The following NUMBL variants were observed in gnomAD, a reference collection of about 807,000 sequenced individuals.
NUMBL encodes numb-like protein.
NUMBL carries 20 observed loss-of-function variants against 48.9 expected under a neutral mutation model. The observed-to-expected ratio is 0.41, with a 90% CI of 0.29 to 0.59. The LOEUF is 0.59. Among genes scored for constraint, NUMBL ranks in the 20% least tolerant of loss-of-function variants. The probability of loss-of-function intolerance (pLI) is 0.31; values close to 1 mark genes in which losing one functional copy is unlikely to be tolerated. For synonymous variants in NUMBL, 340 were observed against 348.7 expected (o/e 0.98, Z 0.28); for missense variants, 660 against 846.2 (o/e 0.78, Z 2.73).
Position 40,684,391 on chromosome 19 carries a change from C to T in NUMBL, c.249+26G>A, listed in dbSNP as rs550564281. The T allele has an allele frequency of 4.0e-5, 62 of 1,541,108 alleles. No individual in the cohort carries two copies. The Admixed American group carries it at 6.4e-4, about 16-fold the overall frequency. ...ACAGCGGCCCCCGTCCCCCTCGCCC[C>T]GCCGCACCCTGCCGCGCCCACTCAC... On this transcript the variant is annotated intron_variant, in intron 3 of 9. Coordinates refer to ENST00000252891, the MANE Select transcript of NUMBL (RefSeq NM_004756.5).
intron 2 of NUMBL, chr19:40,686,014 G>A (rs187756680): frequency 6.5e-6 from 1 of 152,992 alleles, no homozygotes; most frequent in African/African-American, 2.4e-5. Context: ...GGTGTTCTTT[G>A]TGAGACTGTG....
rs757653315 is a variant in NUMBL, at chr19:40,677,310, T to C, written c.652A>G (p.Ser218Gly). Residue 218 changes from serine to glycine, a missense_variant, in exon 7 of 10, where the codon AGC (serine) becomes GGC (glycine). Coordinates refer to ENST00000252891, the MANE Select transcript of NUMBL (RefSeq NM_004756.5). The part of the protein sequence containing the change: ...VTAAFDASRT[S>G]FAREGSFRLS... The stretch of plus-strand genomic sequence containing the variant: ...CGGAAGGAGCCCTCGCGGGCGAAGC[T>C]GGTGCGGCTGGCATCGAAGGCGGCC... 1.9e-6 allele frequency: 3 copies of C among 1,611,590 alleles called. No individual in the cohort carries two copies. The highest frequency in any genetic ancestry group is 1.1e-5 in the South Asian group (1 of 90,936).
At chr19:40,681,567 T>C (rs1410045580) in intron 5 of NUMBL, among the ~76,000 whole-genome samples, 1 of 152,212 alleles carries the variant, frequency 6.6e-6, no homozygotes, top group African/African-American at 2.4e-5. Flanking sequence ...ACCTAGATTG[T>C]GGCCTCATAG....
In NUMBL at chr19:40,667,993, TTGCTGTTGCTGCTGC is replaced by T; in HGVS notation, c.1290_1304del (p.Gln442_Gln446del). On this transcript the variant is annotated inframe_deletion, in exon 10 of 10. Transcript: ENST00000252891. The surrounding 1 kb of genome is among the most constrained non-coding windows in gnomAD (Gnocchi z 6.1). ...GTTGCTGCTGCTGCTGCTGCTGCTG[TTGCTGTTGCTGCTGC>T]TGCTGCTGCTGGGCCTTGGCCACCT... The T allele has an allele frequency of 7.4e-6, 4 of 541,344 alleles. No homozygotes were observed. Among genetic ancestry groups the T allele is most frequent in the Middle Eastern group, 7.2e-4 (1 of 1,388 alleles). 33.5% of individuals were successfully genotyped at this position (541,344 alleles called of 1,614,324 possible).
intron 7 of NUMBL, among the ~76,000 whole-genome samples, chr19:40,674,219 ATGT>A (rs1224603686): frequency 6.6e-6 from 1 of 151,886 alleles, no homozygotes; most frequent in Non-Finnish European, 1.5e-5. Flanking sequence ...TCTCCATATC[ATGT>A]TGTCTTTCTC....
rs138213366 is a variant in NUMBL at position 40,673,390 on chromosome 19, C to T, written c.990G>A (p.Leu330=). 3.3e-5 allele frequency: 53 copies of T among 1,613,766 alleles called. No individual in the cohort carries two copies. Among genetic ancestry groups the T allele is most frequent in the Admixed American group, 5.0e-5 (3 of 59,982 alleles). ...KRQLSLRLNE[L]PSTLQRRTDF... is the part of the protein sequence containing the mutation. ...CAGTGCGGCGCTGCAGCGTGGATGG[C>T]AGCTCATTCAGCCGTAGGCTCAGCT... Residue 330 remains leucine (L), a synonymous_variant, in exon 8 of 10, where the codon CTG becomes CTA. Coordinates refer to ENST00000252891, the MANE Select transcript of NUMBL (RefSeq NM_004756.5). This position sits in a 1 kb window ranked among gnomAD's most constrained non-coding sequence, Gnocchi z 5.9.
chr19:40,673,311 C>A lies in NUMBL; in HGVS notation c.1036+33G>T, dbSNP rs556881544. On this transcript the variant is annotated intron_variant, in intron 8 of 9. Coordinates refer to ENST00000252891, the MANE Select transcript of NUMBL (RefSeq NM_004756.5). This position sits in a 1 kb window ranked among gnomAD's most constrained non-coding sequence, Gnocchi z 5.9. ...CCACATCAGATAGTGCCAATTGATT[C>A]CAACGCCGTTTCCCACTGGGCCCAG... 2 of 1,569,176 alleles carry A rather than the reference C, an allele frequency of 1.3e-6. No individual in the cohort carries two copies. Among genetic ancestry groups the A allele is most frequent in the South Asian group, 1.2e-5 (1 of 85,088 alleles).
chr19:40,684,767 A>G, intron 2 of NUMBL: 1 of 482,150 alleles, frequency 2.1e-6, no homozygotes, highest in Non-Finnish European at 3.4e-6. Flanking sequence ...GGAGTGCGAA[A>G]GTTGGGCACT....
At chr19:40,684,920 A>G in intron 2 of NUMBL, 1 of 252,246 alleles carries the variant, frequency 4.0e-6, no homozygotes, top group South Asian at 5.5e-5. Flanking sequence ...AAGGGTGGGA[A>G]ATCAGACGTA....
chr19:40,684,660 A>G (rs751500465), intron 2 of NUMBL, 104 bp from the exon 3 acceptor site: 12 of 1,431,914 alleles, frequency 8.4e-6, no homozygotes, highest in East Asian at 5.1e-5. Flanking sequence ...AGATAACAAG[A>G]TAACTGGAAG....
intron 7 of NUMBL, among the ~76,000 whole-genome samples, chr19:40,675,067 C>T (rs1453330698): frequency 7.7e-6 from 1 of 130,516 alleles, no homozygotes; most frequent in Non-Finnish European, 1.5e-5. Flanking sequence ...CGCTTGAACC[C>T]GGGAGGCAGA....
intron 7 of NUMBL, among the ~76,000 whole-genome samples, chr19:40,676,311 T>C (rs1228494975): frequency 6.6e-6 from 1 of 151,952 alleles, no homozygotes; most frequent in African/African-American, 2.4e-5. Context: ...GAGGATTACT[T>C]GAGCCCAGCA....
chr19:40,682,035 G>A lies in NUMBL; in HGVS notation c.399+693C>T, dbSNP rs866080222. Among the ~76,000 whole-genome samples the A allele has an allele frequency of 1.3e-5, 2 of 152,132 alleles. No individual in the cohort carries two copies. The highest frequency in any genetic ancestry group is 2.9e-5 in the Non-Finnish European group (2 of 68,024). ...GGAGCCTTGCTATGTTTCACAGGCT[G>A]ATCTTGAACTCCTGGCTTCAAGGGG... is the stretch of plus-strand genomic sequence containing the variant. On this transcript the variant is annotated intron_variant, in intron 5 of 9. Transcript: ENST00000252891. This position sits in a 1 kb window ranked among gnomAD's most constrained non-coding sequence, Gnocchi z 4.0.
In NUMBL at chr19:40,686,985, C is replaced by T. The variant is rs1414997044; in HGVS notation, c.35G>A (p.Arg12Gln). Reference protein sequence around the residue: ...SRSAAASGGPRRPERHLPPAP... With the variant: ...SRSAAASGGPQRPERHLPPAP... ...TGGGGGCAGGTGCCGCTCAGGCCTC[C>T]GGGGTCCGCCCTGCCCGAGTAGGGG... The change falls in exon 2 of 10, where the codon CGG becomes CAG. Residue 12 changes from arginine to glutamine, a missense_variant. By Grantham distance (43) the Arg-to-Gln change is conservative. This residue lies in a region of NUMBL where 86 missense variants were observed against 85.9 expected (regional missense o/e 1.00). Coordinates refer to ENST00000252891, the MANE Select transcript of NUMBL (RefSeq NM_004756.5). The T allele has an allele frequency of 7.2e-6, 11 of 1,517,874 alleles. No homozygotes were observed. Among genetic ancestry groups the T allele is most frequent in the Non-Finnish European group, 7.9e-6 (9 of 1,134,924 alleles). 94.0% of individuals were successfully genotyped at this position (1,517,874 alleles called of 1,614,324 possible). A position where few individuals can be genotyped will look rare whatever the true frequency, so the allele number is the denominator to read the frequency against.
chr19:40,667,349 GGGGTGTTGAGA>G lies in NUMBL; in HGVS notation c.*108_*118del, dbSNP rs2081815129. 9 of 1,374,072 alleles carry G rather than the reference GGGGTGTTGAGA, an allele frequency of 6.5e-6. No individual in the cohort carries two copies. The highest frequency in any genetic ancestry group is 1.5e-5 in the African/African-American group (1 of 68,948). 85.1% of individuals were successfully genotyped at this position (1,374,072 alleles called of 1,614,324 possible). Reference sequence around the variant, plus strand: ...TGGTTGTCGGGGTGGTTGAGGGAGGGGGGTGTTGAGAGGGTGTTGAGGGGCGCAGCCCCAGG... The same window carrying G: ...TGGTTGTCGGGGTGGTTGAGGGAGGGGGGTGTTGAGGGGCGCAGCCCCAGG... On this transcript the variant is annotated 3_prime_UTR_variant, in exon 10 of 10. Coordinates refer to ENST00000252891, the MANE Select transcript of NUMBL (RefSeq NM_004756.5). The surrounding 1 kb of genome is among the most constrained non-coding windows in gnomAD (Gnocchi z 6.1).
At position 40,682,658 on chromosome 19, in the gene NUMBL, TGTCCTCCGC is replaced by T. The variant is rs2081910650; in HGVS notation, c.399+61_399+69del. 6.9e-7 allele frequency: 1 copy of T among 1,454,332 alleles called. No individual in the cohort carries two copies. Among genetic ancestry groups the T allele is most frequent in the South Asian group, 1.2e-5 (1 of 82,580 alleles). The allele number at this position is 1,454,332 out of a possible 1,614,324, so 90.1% of individuals were successfully genotyped here. A position where few individuals can be genotyped will look rare whatever the true frequency, so the allele number is the denominator to read the frequency against. On this transcript the variant is annotated intron_variant, in intron 5 of 9. Transcript: ENST00000252891. This position sits in a 1 kb window ranked among gnomAD's most constrained non-coding sequence, Gnocchi z 4.0. ...GGGATGTGCAGAGGAGGCGGGAAGGTGTCCTCCGCCCTGATTCCAGCAGGGTGAGCAGAC... is the reference window on the plus strand; with the variant it reads ...GGGATGTGCAGAGGAGGCGGGAAGGTCCTGATTCCAGCAGGGTGAGCAGAC...
intron 6 of NUMBL, among the ~76,000 whole-genome samples, chr19:40,678,520 G>A (rs1275396277): frequency 2.0e-5 from 3 of 152,158 alleles, no homozygotes; most frequent in Non-Finnish European, 4.4e-5. Context: ...CACCTTGAGA[G>A]GTGAAGATAC....
chr19:40,673,667 A>G lies in NUMBL; in HGVS notation c.731-18T>C, dbSNP rs908156894. The stretch of plus-strand genomic sequence containing the variant: ...TGCCTCTGCTGGAGACATGGGGGAG[A>G]TGGATGGTTAGATATCTCACCATGG... On this transcript the variant is annotated intron_variant, in intron 7 of 9. Coordinates refer to ENST00000252891, the MANE Select transcript of NUMBL (RefSeq NM_004756.5). The surrounding 1 kb of genome is among the most constrained non-coding windows in gnomAD (Gnocchi z 5.9). 13 of 1,461,072 alleles carry G rather than the reference A, an allele frequency of 8.9e-6. No individual in the cohort carries two copies. In the African/African-American group the frequency reaches 1.6e-4, roughly 18 times the overall value. The allele number at this position is 1,461,072 out of a possible 1,614,324, so 90.5% of individuals were successfully genotyped here. A position where few individuals can be genotyped will look rare whatever the true frequency, so the allele number is the denominator to read the frequency against.
intron 1 of NUMBL, 77 bp downstream of exon 1, chr19:40,690,382 CG>C: frequency 1.1e-6 from 1 of 884,734 alleles, no homozygotes; most frequent in Non-Finnish European, 1.5e-6. Context: ...ATCCGGGCGC[CG>C]CGGCCGCCTC....
Sources: gnomAD v4.1 joint callset for allele counts (sites outside exome capture counted in the v4.1 genomes callset) on GRCh38, gnomAD v4.1.1 for gene constraint, gnomAD v4.1.1 regional missense constraint, Gnocchi (gnomAD v3.1) non-coding constraint, MANE v1.5 for transcripts, NCBI Gene and HGNC (gene_info 2026-07-23, HGNC 2026-07-21) for gene names.